The following FAM107B variants were observed in gnomAD, a reference collection of about 807,000 sequenced individuals.
The protein encoded by FAM107B is family with sequence similarity 107 member B, also known as protein FAM107B.
Under a neutral mutation model 31.5 loss-of-function variants are expected in FAM107B, and 21 were observed. The observed-to-expected ratio is 0.67, with a 90% CI of 0.47 to 0.96. The LOEUF is 0.96. Ranked by LOEUF, FAM107B falls within the 40% of genes least tolerant of loss-of-function variation. The pLI, the probability that FAM107B is intolerant of heterozygous loss-of-function variation, is 0.00. For synonymous variants in FAM107B, 157 were observed against 141.5 expected (o/e 1.11, Z -0.78); for missense variants, 452 against 377.1 (o/e 1.20, Z -1.64).
At chr10:14,634,034 T>A (rs976377156) in intron 2 of FAM107B, among the ~76,000 whole-genome samples, 1 of 152,176 alleles carries the variant, frequency 6.6e-6, no homozygotes, top group Non-Finnish European at 1.5e-5. Context: ...TAGATTGTGA[T>A]GTTTTGTCCC....
intron 1 of FAM107B, among the ~76,000 whole-genome samples, chr10:14,753,203 C>G (rs1384271732): frequency 6.6e-6 from 1 of 152,196 alleles, no homozygotes; most frequent in South Asian, 2.1e-4. Flanking sequence ...AGCACACACG[C>G]ATGTTCACAC....
intron 2 of FAM107B, among the ~76,000 whole-genome samples, chr10:14,547,966 C>T (rs1346720921): frequency 6.6e-6 from 1 of 152,210 alleles, no homozygotes; most frequent in East Asian, 1.9e-4. Context: ...TCCATGGCCC[C>T]GGCCCTTTTA....
At chr10:14,567,295 C>A (rs1564573449) in intron 2 of FAM107B, among the ~76,000 whole-genome samples, 2 of 152,058 alleles carry the variant, frequency 1.3e-5, no homozygotes, top group South Asian at 4.1e-4. Context: ...CAAGAGCAGG[C>A]GGATTTGCAA....
chr10:14,690,318 C>T (rs1290035126), intron 1 of FAM107B, among the ~76,000 whole-genome samples: 1 of 152,210 alleles, frequency 6.6e-6, no homozygotes, highest in Non-Finnish European at 1.5e-5. Flanking sequence ...AAAGGCTCTG[C>T]CTCTGTTTCC....
At chr10:14,600,075 T>C (rs1324280465) in intron 2 of FAM107B, among the ~76,000 whole-genome samples, 1 of 152,060 alleles carries the variant, frequency 6.6e-6, no homozygotes, top group Admixed American at 6.5e-5. Context: ...GTCCGAATAA[T>C]GTTCTTAAAT....
rs11259251 is a variant in FAM107B, at chr10:14,667,520, C to T, written c.469+114G>A. 1,987 of 1,031,924 alleles carry T rather than the reference C, an allele frequency of 1.9e-3. 24 individuals carry two copies. The highest frequency in any genetic ancestry group is 0.017 in the East Asian group (675 of 40,350). 63.9% of individuals were successfully genotyped at this position (1,031,924 alleles called of 1,614,324 possible). A position where few individuals can be genotyped will look rare whatever the true frequency, so the allele number is the denominator to read the frequency against. On this transcript the variant is annotated intron_variant, in intron 2 of 4. Transcript: ENST00000181796. The stretch of plus-strand genomic sequence containing the variant: ...CACGTGACATTTCTAGTCATGTTTC[C>T]AATCATTTGGAACATACAGGTTTTC...
At chr10:14,628,792 G>A (rs1853243707) in intron 2 of FAM107B, among the ~76,000 whole-genome samples, 1 of 152,072 alleles carries the variant, frequency 6.6e-6, no homozygotes, top group Non-Finnish European at 1.5e-5. Flanking sequence ...CAGCACTTTG[G>A]GAGGTTGAGG....
intron 2 of FAM107B, among the ~76,000 whole-genome samples, chr10:14,633,422 T>G (rs1214344844): frequency 2.0e-5 from 3 of 152,202 alleles, no homozygotes; most frequent in Non-Finnish European, 4.4e-5. Flanking sequence ...TGGGAAAACT[T>G]AATCAACCTA....
chr10:14,528,174 GTTT>G (rs34584902), intron 3 of FAM107B: 7,239 of 67,824 alleles, frequency 0.11, 261 homozygotes, highest in Middle Eastern at 0.16. Context: ...TTAAGTTTTG[GTTT>G]TTTTTTTTTT....
At chr10:14,742,987 T>C (rs1832651255) in intron 1 of FAM107B, among the ~76,000 whole-genome samples, 1 of 152,180 alleles carries the variant, frequency 6.6e-6, no homozygotes, top group Non-Finnish European at 1.5e-5. Context: ...ACTTCCTCTT[T>C]GAGTTCTCTC....
In FAM107B at chr10:14,564,913, T is replaced by C. The variant is rs1850535922; in HGVS notation, c.470-34398A>G. On this transcript the variant is annotated intron_variant, in intron 2 of 4. Coordinates refer to ENST00000181796, the MANE Select transcript of FAM107B (RefSeq NM_031453.4). ...ACACTTTCGTTCTAAAACAACAAAA[T>C]GGTCACACTTGAAAAATTGGGCTGG... Among the ~76,000 whole-genome samples, 11 of 152,148 alleles carry C rather than the reference T, an allele frequency of 7.2e-5. No homozygotes were observed. The South Asian group carries it at 2.3e-3, about 32-fold the overall frequency.
chr10:14,690,883 A>C (rs966361048), intron 1 of FAM107B, among the ~76,000 whole-genome samples: 4 of 152,186 alleles, frequency 2.6e-5, no homozygotes, highest in African/African-American at 9.7e-5. Flanking sequence ...ATATGCTATG[A>C]TGGTAGTGAT....
chr10:14,651,369 G>A (rs1202145181), intron 2 of FAM107B, among the ~76,000 whole-genome samples: 1 of 152,216 alleles, frequency 6.6e-6, no homozygotes, highest in Non-Finnish European at 1.5e-5. Flanking sequence ...ACTTTGGGAG[G>A]CTGAGGCGGG....
At chr10:14,759,381 C>T (rs181347045) in intron 1 of FAM107B, among the ~76,000 whole-genome samples, 245 of 152,194 alleles carry the variant, frequency 1.6e-3, no homozygotes, top group Non-Finnish European at 2.5e-3. Flanking sequence ...ACTATTCTGG[C>T]CCCTTCTCTG....
chr10:14,558,232 T>C (rs532382130), intron 2 of FAM107B, among the ~76,000 whole-genome samples: 6 of 151,630 alleles, frequency 4.0e-5, no homozygotes, highest in East Asian at 2.0e-4. Flanking sequence ...CACATGTGCA[T>C]GCGCACACTC....
At chr10:14,720,544 A>C (rs1419876109) in intron 1 of FAM107B, among the ~76,000 whole-genome samples, 2 of 152,224 alleles carry the variant, frequency 1.3e-5, no homozygotes, top group African/African-American at 4.8e-5. Flanking sequence ...GTGAGTCACC[A>C]TGCCTGGCCT....
At chr10:14,711,863 C>G (rs113370110) in intron 1 of FAM107B, among the ~76,000 whole-genome samples, 7 of 152,300 alleles carry the variant, frequency 4.6e-5, no homozygotes, top group African/African-American at 1.7e-4. Context: ...AGGCTGGTCT[C>G]AAACTCCTGA....
At position 14,753,672 on chromosome 10, in the gene FAM107B, T is replaced by C. The variant is rs1352845562; in HGVS notation, c.411+20581A>G. 2.6e-5 allele frequency among the ~76,000 whole-genome samples: 4 copies of C among 152,234 alleles called. No individual in the cohort carries two copies. In the South Asian group the frequency reaches 8.3e-4, roughly 31 times the overall value. ...TGAAATAAAAAGTTAAGGGTAAATGTTTCCATGACTGACTTTTGTTTACTT... is the reference window on the plus strand; with the variant it reads ...TGAAATAAAAAGTTAAGGGTAAATGCTTCCATGACTGACTTTTGTTTACTT... On this transcript the variant is annotated intron_variant, in intron 1 of 4. Transcript: ENST00000181796.
chr10:14,618,952 C>T (rs760753663), intron 2 of FAM107B, among the ~76,000 whole-genome samples: 5 of 152,046 alleles, frequency 3.3e-5, no homozygotes, highest in Non-Finnish European at 5.9e-5. Flanking sequence ...GAAACAGACA[C>T]GCAGGAAGAA....
Sources: allele counts gnomAD v4.1 joint callset (sites outside exome capture counted in the v4.1 genomes callset), GRCh38; gene constraint gnomAD v4.1.1; transcripts MANE v1.5; gene names NCBI Gene and HGNC (gene_info 2026-07-23, HGNC 2026-07-21).